PLEKHG1: variants seen among roughly 807,000 people sequenced by gnomAD.
PLEKHG1 encodes the protein pleckstrin homology domain-containing family G member 1.
PLEKHG1 carries 44 observed loss-of-function variants against 100.8 expected under a neutral mutation model. The ratio of observed to expected loss-of-function variants is 0.44; its 90% confidence interval spans 0.34 to 0.56. The LOEUF (loss-of-function observed/expected upper bound fraction) is 0.56. Among genes scored for constraint, PLEKHG1 ranks in the 20% least tolerant of loss-of-function variants. The pLI is 0.01. For synonymous variants in PLEKHG1, 640 were observed against 662.5 expected (o/e 0.97, Z 0.52); for missense variants, 1,545 against 1,720.9 (o/e 0.90, Z 1.81).
intron 3 of PLEKHG1, among the ~76,000 whole-genome samples, chr6:150,659,713 T>C (rs1317446401): frequency 6.6e-6 from 1 of 152,214 alleles, no homozygotes; most frequent in African/African-American, 2.4e-5. Flanking sequence ...GCCTCCAAGT[T>C]GCTGTATCAG....
At chr6:150,636,730 C>A (rs1444316174) in intron 1 of PLEKHG1, among the ~76,000 whole-genome samples, 15 of 152,038 alleles carry the variant, frequency 9.9e-5, no homozygotes, top group Admixed American at 9.2e-4. Flanking sequence ...AAGTTAGATA[C>A]CTTGTGAATA....
chr6:150,785,615 T>C (rs1205953705), intron 3 of PLEKHG1, among the ~76,000 whole-genome samples: 1 of 152,152 alleles, frequency 6.6e-6, no homozygotes, highest in East Asian at 1.9e-4. Context: ...GCACTATCTC[T>C]ATTATAATTT....
At chr6:150,821,589 C>G (rs1330835867) in intron 13 of PLEKHG1, among the ~76,000 whole-genome samples, 1 of 151,944 alleles carries the variant, frequency 6.6e-6, no homozygotes. Context: ...GAGGCTGAAG[C>G]AGGAGAATCG....
At chr6:150,637,903 A>G (rs1053034576) in intron 1 of PLEKHG1, among the ~76,000 whole-genome samples, 3 of 151,764 alleles carry the variant, frequency 2.0e-5, no homozygotes, top group Non-Finnish European at 4.4e-5. Context: ...ATTCTTTATT[A>G]TTTTCCTTCT....
chr6:150,677,285 TAC>T (rs34821237), intron 3 of PLEKHG1, among the ~76,000 whole-genome samples: 28 of 150,406 alleles, frequency 1.9e-4, no homozygotes, highest in Admixed American at 6.0e-4. Flanking sequence ...TCTTCCCCTA[TAC>T]ACACACACAC....
chr6:150,617,138 C>T (rs1777107038), intron 1 of PLEKHG1, among the ~76,000 whole-genome samples: 1 of 152,152 alleles, frequency 6.6e-6, no homozygotes, highest in South Asian at 2.1e-4. Context: ...TCCTTTGTAA[C>T]AGGGTATCCT....
intron 2 of PLEKHG1, among the ~76,000 whole-genome samples, chr6:150,752,357 A>G (rs1583057192): frequency 6.6e-6 from 1 of 152,160 alleles, no homozygotes; most frequent in African/African-American, 2.4e-5. Flanking sequence ...TATATACACA[A>G]TGTTGCCCAA....
intron 3 of PLEKHG1, among the ~76,000 whole-genome samples, chr6:150,700,786 C>T (rs1212092504): frequency 6.6e-6 from 1 of 152,160 alleles, no homozygotes. Flanking sequence ...GGTAGCACCT[C>T]TGTCCTAGGA....
chr6:150,675,429 T>C (rs1779722541), intron 3 of PLEKHG1, among the ~76,000 whole-genome samples: 1 of 152,234 alleles, frequency 6.6e-6, no homozygotes, highest in African/African-American at 2.4e-5. Context: ...CATCCATTCT[T>C]GCTTTTTCTC....
exon 16 of PLEKHG1, chr6:150,843,430 A>G (rs1232260262): frequency 1.3e-5 from 2 of 152,116 alleles, no homozygotes; most frequent in Admixed American, 1.3e-4. Context: ...TTTGTTTTAG[A>G]GGTGGGGTGG....
intron 2 of PLEKHG1, among the ~76,000 whole-genome samples, chr6:150,644,332 G>GTTTTTTTTTTTT (rs1582872144): frequency 1.0e-5 from 1 of 96,564 alleles, no homozygotes; most frequent in African/African-American, 4.4e-5. Flanking sequence ...TTTTCTTTTC[G>GTTTTTTTTTTTT]TGTTTTTTTT....
intron 12 of PLEKHG1, 26 bp downstream of exon 13, chr6:150,819,800 T>G (rs2128677861): frequency 2.4e-6 from 3 of 1,264,974 alleles, no homozygotes; most frequent in East Asian, 4.6e-5. Context: ...TCATAAAAAT[T>G]TAATTCTAAT....
chr6:150,809,367 T>C lies in PLEKHG1; in HGVS notation c.1096-14T>C. On this transcript the variant is annotated splice_polypyrimidine_tract_variant and intron_variant, in intron 8 of 15. Transcript: ENST00000358517. ...CCTGAGTGTGCCTCACCCTCTCTGC[T>C]CTCTCTGCTCTAGTGTGGCAACCTC... The C allele has an allele frequency of 6.2e-7, 1 of 1,612,560 alleles. No individual in the cohort carries two copies. The highest frequency in any genetic ancestry group is 1.1e-5 in the South Asian group (1 of 91,048).
chr6:150,782,292 G>C (rs2128648864), intron 3 of PLEKHG1, among the ~76,000 whole-genome samples: 1 of 152,134 alleles, frequency 6.6e-6, no homozygotes, highest in South Asian at 2.1e-4. Context: ...GTGGTGGGAG[G>C]CTGAGGTAGG....
chr6:150,721,775 G>A (rs1781685463), intron 1 of PLEKHG1, among the ~76,000 whole-genome samples: 1 of 152,176 alleles, frequency 6.6e-6, no homozygotes, highest in Admixed American at 6.5e-5. Context: ...TTGGGGCAAA[G>A]GAGGCGTGGA....
intron 1 of PLEKHG1, among the ~76,000 whole-genome samples, chr6:150,607,520 A>G (rs1316146601): frequency 6.6e-6 from 1 of 152,176 alleles, no homozygotes; most frequent in Non-Finnish European, 1.5e-5. Context: ...AGGGGAGGAT[A>G]TGGTTGTTCT....
Position 150,831,698 on chromosome 6 carries a change from G to A in PLEKHG1, c.2587G>A (p.Val863Met). 1.2e-6 allele frequency: 2 copies of A among 1,613,022 alleles called. No individual in the cohort carries two copies. Among genetic ancestry groups the A allele is most frequent in the South Asian group, 2.2e-5 (2 of 91,088 alleles). ...AGACCGTCTCCTGGCAGCGTTTCCTGTGAGCAAGGATGATGTGCCAGACAG... is the reference window on the plus strand; with the variant it reads ...AGACCGTCTCCTGGCAGCGTTTCCTATGAGCAAGGATGATGTGCCAGACAG... Residue 863 changes from valine (V) to methionine (M), a missense_variant, in exon 15 of 16, where the codon GTG (valine) becomes ATG (methionine). Transcript: ENST00000358517. This position sits in a 1 kb window ranked among gnomAD's most constrained non-coding sequence, Gnocchi z 4.1.
chr6:150,680,614 C>A (rs370614727), intron 3 of PLEKHG1, among the ~76,000 whole-genome samples: 131 of 152,252 alleles, frequency 8.6e-4, no homozygotes, highest in African/African-American at 3.0e-3. Flanking sequence ...GGCCATGGTC[C>A]CCAAAGCGGG....
At chr6:150,797,492 C>G (rs922738513) in intron 5 of PLEKHG1, among the ~76,000 whole-genome samples, 1 of 152,006 alleles carries the variant, frequency 6.6e-6, no homozygotes, top group Non-Finnish European at 1.5e-5. Context: ...GCTACTGTTG[C>G]ACCACTGCAC....
Sources: allele counts gnomAD v4.1 joint callset (sites outside exome capture counted in the v4.1 genomes callset), GRCh38; gene constraint gnomAD v4.1.1; non-coding constraint Gnocchi (gnomAD v3.1); transcripts MANE v1.5; gene names NCBI Gene and HGNC (gene_info 2026-07-23, HGNC 2026-07-21).